The following KCNMB2 variants were observed in gnomAD, a reference collection of about 807,000 sequenced individuals.
KCNMB2 encodes potassium calcium-activated channel subfamily M regulatory beta subunit 2.
Under a neutral mutation model 24.5 loss-of-function variants are expected in KCNMB2, and 9 were observed. The observed-to-expected ratio is 0.37, with a 90% CI of 0.22 to 0.64. KCNMB2 has a LOEUF of 0.64. Among genes scored for constraint, KCNMB2 ranks in the 30% least tolerant of loss-of-function variants. KCNMB2 has a pLI of 0.63. For missense variants in KCNMB2, 226 were observed against 284.3 expected, an observed-to-expected ratio of 0.79 and a Z score of 1.47; for synonymous variants, 109 against 104.4, an observed-to-expected ratio of 1.04 and a Z score of -0.27.
intron 1 of KCNMB2, among the ~76,000 whole-genome samples, chr3:178,798,840 G>A (rs1413103970): frequency 6.6e-6 from 1 of 151,462 alleles, no homozygotes; most frequent in Non-Finnish European, 1.5e-5. Flanking sequence ...GTTTACTTAT[G>A]TAACAAACCT....
chr3:178,800,412 A>G (rs1217654041), intron 1 of KCNMB2, among the ~76,000 whole-genome samples: 1 of 152,160 alleles, frequency 6.6e-6, no homozygotes, highest in Non-Finnish European at 1.5e-5. Context: ...ATGGCAAACA[A>G]GTATATGAAA....
At chr3:178,744,519 T>A (rs1339241543) in intron 1 of KCNMB2, among the ~76,000 whole-genome samples, 1 of 152,174 alleles carries the variant, frequency 6.6e-6, no homozygotes, top group African/African-American at 2.4e-5. Flanking sequence ...ATGCTAAATG[T>A]TAGGTGGATG....
intron 1 of KCNMB2, among the ~76,000 whole-genome samples, chr3:178,655,122 C>G (rs1304690129): frequency 6.6e-6 from 1 of 151,510 alleles, no homozygotes; most frequent in Non-Finnish European, 1.5e-5. Flanking sequence ...CTCTCTCTCT[C>G]TCTCTCTCTC....
intron 1 of KCNMB2, among the ~76,000 whole-genome samples, chr3:178,657,761 G>A (rs1331060623): frequency 6.6e-6 from 1 of 152,124 alleles, no homozygotes; most frequent in Admixed American, 6.5e-5. Flanking sequence ...ATCTGGTGAG[G>A]GCCTCATGCT....
intron 1 of KCNMB2, among the ~76,000 whole-genome samples, chr3:178,701,811 C>G (rs894389389): frequency 1.3e-5 from 2 of 152,150 alleles, no homozygotes; most frequent in African/African-American, 4.8e-5. Flanking sequence ...CACTTTTACA[C>G]TGTTGGTGGG....
Position 178,742,220 on chromosome 3 carries a change from A to G in KCNMB2, c.-67-65123A>G, listed in dbSNP as rs373853496. On this transcript the variant is annotated intron_variant, in intron 1 of 4. Coordinates refer to ENST00000452583, the MANE Select transcript of KCNMB2 (RefSeq NM_181361.3). Reference sequence around the variant, plus strand: ...TTAGGAAAATCAGGCTCATTCATTTAGAAAGATTCAAATGATACTCACATT... The same window carrying G: ...TTAGGAAAATCAGGCTCATTCATTTGGAAAGATTCAAATGATACTCACATT... 3.5e-4 allele frequency among the ~76,000 whole-genome samples: 54 copies of G among 152,374 alleles called. 1 individual carries two copies. The South Asian group carries it at 0.011, about 31-fold the overall frequency.
intron 1 of KCNMB2, among the ~76,000 whole-genome samples, chr3:178,611,221 G>A (rs1422681556): frequency 3.9e-5 from 6 of 152,166 alleles, no homozygotes; most frequent in Non-Finnish European, 8.8e-5. Flanking sequence ...CTAGAGATTT[G>A]TCCATTTATT....
At chr3:178,662,586 A>C (rs1030403851) in intron 1 of KCNMB2, among the ~76,000 whole-genome samples, 5 of 152,142 alleles carry the variant, frequency 3.3e-5, no homozygotes, top group African/African-American at 1.2e-4. Flanking sequence ...CAGGCTTAGA[A>C]AACATTTGCT....
chr3:178,675,362 G>T (rs1721036674), intron 1 of KCNMB2, among the ~76,000 whole-genome samples: 1 of 152,164 alleles, frequency 6.6e-6, no homozygotes, highest in South Asian at 2.1e-4. Flanking sequence ...ATCAAGCTAA[G>T]TACCAGTTAC....
At chr3:178,678,173 A>G (rs1721135974) in intron 1 of KCNMB2, among the ~76,000 whole-genome samples, 1 of 152,188 alleles carries the variant, frequency 6.6e-6, no homozygotes, top group Admixed American at 6.5e-5. Context: ...AGTGAGCTGC[A>G]ATTGTTTTAA....
At chr3:178,784,055 T>C (rs1051531676) in intron 1 of KCNMB2, among the ~76,000 whole-genome samples, 15 of 152,186 alleles carry the variant, frequency 9.9e-5, no homozygotes, top group Non-Finnish European at 1.9e-4. Flanking sequence ...CAGACTGATG[T>C]CTATTTTCCC....
chr3:178,568,874 AGATAGATAGATAGATAGATAGATAGATG>A (rs2108474116), intron 1 of KCNMB2, among the ~76,000 whole-genome samples: 1 of 147,870 alleles, frequency 6.8e-6, no homozygotes, highest in African/African-American at 2.6e-5. Context: ...ATAGATAGAT[AGATAGATAGATAGATAGATAGATAGATG>A]GATAGATAGA....
intron 1 of KCNMB2, among the ~76,000 whole-genome samples, chr3:178,789,183 T>C (rs1361491961): frequency 6.6e-6 from 1 of 152,222 alleles, no homozygotes; most frequent in Non-Finnish European, 1.5e-5. Context: ...TTATTTAACC[T>C]GAGCTGCTGT....
At chr3:178,828,577 C>T (rs57083517) in intron 4 of KCNMB2, among the ~76,000 whole-genome samples, 3,867 of 152,270 alleles carry the variant, frequency 0.025, 157 homozygotes, top group African/African-American at 0.088. Context: ...ATCATTCCTA[C>T]ATTTGTGGTA....
At chr3:178,616,015 T>G (rs1334750170) in intron 1 of KCNMB2, among the ~76,000 whole-genome samples, 1 of 152,118 alleles carries the variant, frequency 6.6e-6, no homozygotes, top group Non-Finnish European at 1.5e-5. Context: ...GTGCCTTATC[T>G]TGCTGTGGCT....
In KCNMB2 at chr3:178,582,312, T is replaced by C. The variant is rs565880665; in HGVS notation, c.-68+45601T>C. On this transcript the variant is annotated intron_variant, in intron 1 of 4. Coordinates refer to ENST00000452583, the MANE Select transcript of KCNMB2 (RefSeq NM_181361.3). ...TCACTCATATGTGGGAGCTGAATAA[T>C]GAGAACACGTTGACACAGGGAGAGA... Among the ~76,000 whole-genome samples, 31 of 152,208 alleles carry C rather than the reference T, an allele frequency of 2.0e-4. No individual in the cohort carries two copies. The Middle Eastern group carries it at 0.01, about 50-fold the overall frequency.
At chr3:178,547,062 A>G (rs1041559338) in intron 1 of KCNMB2, among the ~76,000 whole-genome samples, 2 of 152,230 alleles carry the variant, frequency 1.3e-5, no homozygotes, top group African/African-American at 4.8e-5. Context: ...TGAGCAGGTC[A>G]TGAGTGCTCT....
chr3:178,608,632 T>G (rs1196923778), intron 1 of KCNMB2, among the ~76,000 whole-genome samples: 1 of 152,204 alleles, frequency 6.6e-6, no homozygotes, highest in Non-Finnish European at 1.5e-5. Flanking sequence ...TTATTCTTTC[T>G]ATTTTTTGTA....
chr3:178,616,743 CTT>C (rs1718720057), intron 1 of KCNMB2, among the ~76,000 whole-genome samples: 2 of 152,182 alleles, frequency 1.3e-5, no homozygotes, highest in Admixed American at 1.3e-4. Context: ...ATCTCACCAT[CTT>C]GCCCTGCCTC....
Sources: gnomAD v4.1 joint callset for allele counts (sites outside exome capture counted in the v4.1 genomes callset) on GRCh38, gnomAD v4.1.1 for gene constraint, MANE v1.5 for transcripts, NCBI Gene and HGNC (gene_info 2026-07-23, HGNC 2026-07-21) for gene names.